Variants in ADGRG6 observed in about 807,000 individuals in gnomAD.
ADGRG6 encodes the protein adhesion G protein-coupled receptor G6, also known as G-protein coupled receptor 126.
ADGRG6 carries 84 observed loss-of-function variants against 142.4 expected under a neutral mutation model. That is an observed-to-expected ratio of 0.59 (90% CI 0.49 to 0.71). The LOEUF is 0.71. ADGRG6 is among the 30% of genes least tolerant of loss of function. The pLI, the probability that ADGRG6 is intolerant of heterozygous loss-of-function variation, is 0.00. For synonymous variants in ADGRG6, 521 were observed against 520.5 expected (o/e 1.00, Z -0.01); for missense variants, 1,367 against 1,466.6 (o/e 0.93, Z 1.11).
At position 142,307,942 on chromosome 6, in the gene ADGRG6, C is replaced by G. The variant is rs534726151; in HGVS notation, c.3-1602C>G. Among the ~76,000 whole-genome samples, 196 of 152,008 alleles carry G rather than the reference C, an allele frequency of 1.3e-3. 1 individual carries two copies. The highest frequency in any genetic ancestry group is 2.5e-3 in the Admixed American group (38 of 15,258). ...GGCTTGAGTTTCAGATACTACTTAA[C>G]ATTTCTTTATTCATAGCAAACATGA... On this transcript the variant is annotated intron_variant, in intron 1 of 24. Coordinates refer to ENST00000367609, the MANE Select transcript of ADGRG6 (RefSeq NM_198569.3).
At chr6:142,324,399 A>C (rs918766313) in intron 2 of ADGRG6, among the ~76,000 whole-genome samples, 6 of 152,030 alleles carry the variant, frequency 3.9e-5, no homozygotes, top group Admixed American at 1.3e-4. Flanking sequence ...ACTTCCTTAC[A>C]CATAATCTAA....
At chr6:142,335,295 T>TA (rs2114685882) in intron 2 of ADGRG6, among the ~76,000 whole-genome samples, 1 of 152,334 alleles carries the variant, frequency 6.6e-6, no homozygotes, top group East Asian at 1.9e-4. Context: ...GTGAACTTTT[T>TA]ATTACACAAT....
intron 2 of ADGRG6, among the ~76,000 whole-genome samples, chr6:142,315,502 A>C (rs1285321767): frequency 6.6e-6 from 1 of 152,122 alleles, no homozygotes; most frequent in Admixed American, 6.6e-5. Context: ...TATTAATCCC[A>C]CAATGAGGAT....
At position 142,381,967 on chromosome 6, in the gene ADGRG6, G is replaced by T. The variant is rs371649497; in HGVS notation, c.1086G>T (p.Pro362=). 4 of 1,600,956 alleles carry T rather than the reference G, an allele frequency of 2.5e-6. No homozygotes were observed. In the East Asian group the frequency reaches 6.7e-5, roughly 27 times the overall value. ...TTGATCAAGGTTCCTACCTGATCCC[G>T]CTCCCAGCAGCAGAACTGGCCAGCT... is the stretch of plus-strand genomic sequence containing the variant. The part of the protein sequence containing the change: ...SNLSCGSYLI[P]LPAAELASCA... Residue 362 remains proline (P), a synonymous_variant, in exon 5 of 25, where the codon CCG becomes CCT. Coordinates refer to ENST00000367609, the MANE Select transcript of ADGRG6 (RefSeq NM_198569.3).
intron 2 of ADGRG6, among the ~76,000 whole-genome samples, chr6:142,363,777 T>C (rs1481691045): frequency 6.6e-6 from 1 of 152,100 alleles, no homozygotes; most frequent in Admixed American, 6.5e-5. Flanking sequence ...GCTCATAGTA[T>C]AGGAATCAAT....
At chr6:142,440,797 T>C in intron 24 of ADGRG6, 1 of 627,934 alleles carries the variant, frequency 1.6e-6, no homozygotes, top group Non-Finnish European at 2.8e-6. Flanking sequence ...GTGGAACAGT[T>C]AGCATCCTGG....
intron 4 of ADGRG6, among the ~76,000 whole-genome samples, chr6:142,381,421 T>C (rs993903829): frequency 3.3e-5 from 5 of 152,266 alleles, no homozygotes; most frequent in East Asian, 1.9e-4. Flanking sequence ...TACTAAAAAA[T>C]TAGCTCAAAA....
At chr6:142,398,727 C>T (rs1368102708) in intron 10 of ADGRG6, among the ~76,000 whole-genome samples, 5 of 152,124 alleles carry the variant, frequency 3.3e-5, no homozygotes, top group African/African-American at 1.2e-4. Flanking sequence ...TAAGTCAGCT[C>T]TTCTTTGGAA....
Position 142,354,670 on chromosome 6 carries a change from G to A in ADGRG6, c.104-12899G>A, listed in dbSNP as rs78916166. Among the ~76,000 whole-genome samples, 25 of 152,294 alleles carry A rather than the reference G, an allele frequency of 1.6e-4. No individual in the cohort carries two copies. In the East Asian group the frequency reaches 2.7e-3, roughly 16 times the overall value. The stretch of plus-strand genomic sequence containing the variant: ...AGAAATCTGTAAAACATTGTAAAAT[G>A]AGATCCCTAAAAGGGACGTATTACA... On this transcript the variant is annotated intron_variant, in intron 2 of 24. Coordinates refer to ENST00000367609, the MANE Select transcript of ADGRG6 (RefSeq NM_198569.3).
chr6:142,319,298 C>T (rs553535429), intron 2 of ADGRG6, among the ~76,000 whole-genome samples: 17 of 152,210 alleles, frequency 1.1e-4, no homozygotes, highest in Admixed American at 3.3e-4. Flanking sequence ...TTATAACTAT[C>T]GCCTTTGAGG....
intron 2 of ADGRG6, among the ~76,000 whole-genome samples, chr6:142,318,179 A>AATATATAT (rs1562307314): frequency 3.1e-4 from 3 of 9,608 alleles, no homozygotes; most frequent in African/African-American, 9.7e-4. Flanking sequence ...ATATTTATAT[A>AATATATAT]TTATATATTA....
chr6:142,393,178 G>A (rs1343689206), intron 8 of ADGRG6, among the ~76,000 whole-genome samples, 178 bp downstream of exon 8: 2 of 152,014 alleles, frequency 1.3e-5, no homozygotes, highest in African/African-American at 4.8e-5. Flanking sequence ...ATGCTGCAGC[G>A]ATGGTTTTAA....
intron 2 of ADGRG6, among the ~76,000 whole-genome samples, chr6:142,363,122 A>G (rs1780796230): frequency 1.3e-5 from 2 of 152,168 alleles, no homozygotes; most frequent in African/African-American, 4.8e-5. Context: ...ACTTAAATGA[A>G]TTCATTTTGT....
At chr6:142,390,625 A>G (rs1774847244) in intron 7 of ADGRG6, among the ~76,000 whole-genome samples, 1 of 151,868 alleles carries the variant, frequency 6.6e-6, no homozygotes, top group African/African-American at 2.4e-5. Flanking sequence ...TCTGTATTTC[A>G]TATTAGATCC....
chr6:142,331,245 A>ATATG (rs1469805042), intron 2 of ADGRG6, among the ~76,000 whole-genome samples: 1 of 151,958 alleles, frequency 6.6e-6, no homozygotes. Flanking sequence ...ATCTGAGAAG[A>ATATG]TATGCTGCCT....
intron 2 of ADGRG6, among the ~76,000 whole-genome samples, chr6:142,353,869 G>C (rs1780310630): frequency 6.6e-6 from 1 of 152,134 alleles, no homozygotes; most frequent in Non-Finnish European, 1.5e-5. Context: ...TTTGTCTTTT[G>C]CTTCAGCAGC....
At chr6:142,435,808 G>A (rs372120661) in intron 22 of ADGRG6, among the ~76,000 whole-genome samples, 18 of 152,246 alleles carry the variant, frequency 1.2e-4, no homozygotes, top group African/African-American at 4.3e-4. Context: ...GAAAGGGAGT[G>A]ACTAAAGGTT....
chr6:142,365,660 G>A (rs1474943378), intron 2 of ADGRG6, among the ~76,000 whole-genome samples: 1 of 152,148 alleles, frequency 6.6e-6, no homozygotes, highest in Non-Finnish European at 1.5e-5. Context: ...TCTGTCTTCG[G>A]TCTTGTACAA....
chr6:142,420,256 G>C (rs1234029738), intron 22 of ADGRG6, among the ~76,000 whole-genome samples, 152 bp downstream of exon 22: 1 of 152,112 alleles, frequency 6.6e-6, no homozygotes, highest in South Asian at 2.1e-4. Flanking sequence ...CTTGTTAAAA[G>C]GGTCTTGAAT....
Sources: gnomAD v4.1 joint callset for allele counts (sites outside exome capture counted in the v4.1 genomes callset) on GRCh38, gnomAD v4.1.1 for gene constraint, MANE v1.5 for transcripts, NCBI Gene and HGNC (gene_info 2026-07-23, HGNC 2026-07-21) for gene names.